KCNN2: variants seen among roughly 807,000 people sequenced by gnomAD.
KCNN2 encodes the protein potassium calcium-activated channel subfamily N member 2, also known as small conductance calcium-activated potassium channel protein 2.
KCNN2 carries 24 observed loss-of-function variants against 55.5 expected under a neutral mutation model. The observed-to-expected ratio is 0.43, with a 90% CI of 0.31 to 0.61. KCNN2 has a LOEUF of 0.61. Among genes scored for constraint, KCNN2 ranks in the 20% least tolerant of loss-of-function variants. The pLI, the probability that KCNN2 is intolerant of heterozygous loss-of-function variation, is 0.08. For synonymous variants in KCNN2, 431 were observed against 336.1 expected (o/e 1.28, Z -3.09); for missense variants, 754 against 853.6 (o/e 0.88, Z 1.45).
chr5:114,094,378 C>G (rs181611055), intron 1 of KCNN2, among the ~76,000 whole-genome samples: 124 of 152,288 alleles, frequency 8.1e-4, no homozygotes, highest in Non-Finnish European at 1.6e-3. Context: ...AGCATCTCAG[C>G]TTATACCATT....
At chr5:114,098,115 T>C (rs560925810) in intron 1 of KCNN2, among the ~76,000 whole-genome samples, 1 of 152,242 alleles carries the variant, frequency 6.6e-6, no homozygotes, top group African/African-American at 2.4e-5. Context: ...CATCTTTCTT[T>C]CCGCTTCTGT....
intron 2 of KCNN2, among the ~76,000 whole-genome samples, chr5:114,272,410 TATCTACACACATATGTAC>T (rs1561549110): frequency 1.2e-4 from 2 of 16,904 alleles, no homozygotes; most frequent in Admixed American, 1.3e-3. Flanking sequence ...TGTATGTACA[TATCTACACACATATGTAC>T]GTACATATCA....
intron 1 of KCNN2, among the ~76,000 whole-genome samples, chr5:114,147,497 G>A (rs776000403): frequency 6.6e-6 from 1 of 152,110 alleles, no homozygotes; most frequent in Non-Finnish European, 1.5e-5. Context: ...TTCAACAAGA[G>A]AATCATTTTG....
intron 1 of KCNN2, among the ~76,000 whole-genome samples, chr5:114,167,835 A>G (rs1354224173): frequency 6.6e-6 from 1 of 152,120 alleles, no homozygotes; most frequent in Admixed American, 6.6e-5. Flanking sequence ...CCCATCCCAT[A>G]CTTTTCAAGC....
At chr5:114,312,025 C>T (rs1398744890) in intron 2 of KCNN2, among the ~76,000 whole-genome samples, 14 of 152,100 alleles carry the variant, frequency 9.2e-5, no homozygotes, top group Admixed American at 9.2e-4. Context: ...TTATCCACTT[C>T]TTTTCATATC....
chr5:114,107,688 A>C (rs1185241993), intron 1 of KCNN2, among the ~76,000 whole-genome samples: 1 of 151,962 alleles, frequency 6.6e-6, no homozygotes, highest in Non-Finnish European at 1.5e-5. Flanking sequence ...GCACCACCTC[A>C]CGCAGGCATC....
chr5:114,162,749 G>C (rs904809744), intron 1 of KCNN2, among the ~76,000 whole-genome samples: 2 of 152,150 alleles, frequency 1.3e-5, no homozygotes, highest in African/African-American at 4.8e-5. Flanking sequence ...TTTGATCTCA[G>C]TCTGCTGTGC....
intron 1 of KCNN2, among the ~76,000 whole-genome samples, chr5:114,087,001 T>C (rs2112549064): frequency 6.9e-6 from 1 of 144,482 alleles, no homozygotes. Flanking sequence ...TGGTATCTCA[T>C]CGTGGTTCTG....
chr5:114,202,282 G>T lies in KCNN2; in HGVS notation c.-270-19198G>T, dbSNP rs142013343. 6.7e-3 allele frequency among the ~76,000 whole-genome samples: 1,025 copies of T among 152,098 alleles called. 5 individuals carry two copies. Among genetic ancestry groups the T allele is most frequent in the Middle Eastern group, 0.021 (6 of 292 alleles). ...GCCAGGCATAAGGATCTAGTGGGCT[G>T]AGGGTTTCTCTCACAGCCGAGATCA... On this transcript the variant is annotated intron_variant, in intron 1 of 10. Coordinates refer to the KCNN2 transcript ENST00000512097.
At chr5:114,244,543 G>A (rs1754713577) in intron 2 of KCNN2, among the ~76,000 whole-genome samples, 1 of 151,782 alleles carries the variant, frequency 6.6e-6, no homozygotes, top group Non-Finnish European at 1.5e-5. Flanking sequence ...GTTACAGCGA[G>A]CCGAGATCGC....
chr5:114,237,319 A>G (rs1039665672), intron 2 of KCNN2, among the ~76,000 whole-genome samples: 7 of 42,536 alleles, frequency 1.6e-4, no homozygotes, highest in South Asian at 6.5e-4. Flanking sequence ...CACCCCACAG[A>G]AAAAAAAAAT....
chr5:114,446,653 G>A (rs1760420855), intron 3 of KCNN2, among the ~76,000 whole-genome samples: 2 of 152,052 alleles, frequency 1.3e-5, no homozygotes, highest in South Asian at 2.1e-4. Context: ...TAGAGACAGG[G>A]TTTCACCATG....
chr5:114,265,660 A>G (rs368459471), intron 2 of KCNN2, among the ~76,000 whole-genome samples: 140 of 152,284 alleles, frequency 9.2e-4, no homozygotes, highest in African/African-American at 3.2e-3. Context: ...AAGTTAATCT[A>G]CTTTGCTCCA....
intron 3 of KCNN2, among the ~76,000 whole-genome samples, chr5:114,449,906 ACACGCG>A (rs1760586582): frequency 3.4e-5 from 1 of 29,272 alleles, no homozygotes; most frequent in East Asian, 0.015. Context: ...ACACACACAC[ACACGCG>A]CGCGCTCGCG....
At chr5:114,202,731 C>T (rs901907573) in intron 1 of KCNN2, among the ~76,000 whole-genome samples, 5 of 151,192 alleles carry the variant, frequency 3.3e-5, no homozygotes, top group African/African-American at 1.2e-4. Context: ...GGACTACAGG[C>T]GCCTGCCACC....
At chr5:114,409,352 G>A (rs771336879) in intron 3 of KCNN2, among the ~76,000 whole-genome samples, 4 of 151,988 alleles carry the variant, frequency 2.6e-5, no homozygotes, top group East Asian at 1.9e-4. Context: ...TTGTTTTTCC[G>A]TAAATTTGCA....
intron 2 of KCNN2, among the ~76,000 whole-genome samples, chr5:114,273,064 C>T (rs1755396948): frequency 6.6e-6 from 1 of 152,088 alleles, no homozygotes; most frequent in East Asian, 1.9e-4. Context: ...ATGTGATGTT[C>T]CCCTCCCTGT....
chr5:114,073,731 A>G (rs1236507358), intron 1 of KCNN2, among the ~76,000 whole-genome samples: 2 of 152,176 alleles, frequency 1.3e-5, no homozygotes, highest in Non-Finnish European at 2.9e-5. Flanking sequence ...TTGTGTTCCC[A>G]TTGCCTAGTA....
chr5:114,245,212 T>C (rs1754726556), intron 2 of KCNN2, among the ~76,000 whole-genome samples: 1 of 152,212 alleles, frequency 6.6e-6, no homozygotes, highest in Non-Finnish European at 1.5e-5. Flanking sequence ...TCTTTCTAAA[T>C]CAAAAACTCT....
Sources: gnomAD v4.1 joint callset for allele counts (sites outside exome capture counted in the v4.1 genomes callset) on GRCh38, gnomAD v4.1.1 for gene constraint, MANE v1.5 for transcripts, NCBI Gene and HGNC (gene_info 2026-07-23, HGNC 2026-07-21) for gene names.